POM121: variants seen among roughly 807,000 people sequenced by gnomAD.
POM121 encodes the protein nuclear envelope pore membrane protein POM 121.
POM121 carries 32 observed loss-of-function variants against 81.3 expected under a neutral mutation model. The observed-to-expected ratio is 0.39, with a 90% CI of 0.30 to 0.53. The LOEUF is 0.53. Among genes scored for constraint, POM121 ranks in the 20% least tolerant of loss-of-function variants. The pLI is 0.66. For missense variants in POM121, 1,138 were observed against 1,614.6 expected (o/e 0.70, Z 5.06); for synonymous variants, 514 against 694.2 (o/e 0.74, Z 4.08).
At chr7:72,920,374 A>T (rs1554495794), upstream of POM121, among the ~76,000 whole-genome samples, 5 of 105,794 alleles carry the variant, frequency 4.7e-5, no homozygotes, top group African/African-American at 4.0e-5. Context: ...TTTTAGTTGG[A>T]GTCTGGCTCT....
At chr7:72,950,489 A>C (rs533563239), downstream of POM121, 3 of 384,316 alleles carry the variant, frequency 7.8e-6, no homozygotes, top group South Asian at 2.8e-5. Context: ...AATATATCCA[A>C]GATACTTACG....
intron 4 of POM121, among the ~76,000 whole-genome samples, chr7:72,918,347 A>G (rs1261915715): frequency 2.0e-5 from 3 of 152,130 alleles, no homozygotes; most frequent in Non-Finnish European, 4.4e-5. Flanking sequence ...GCGTCTTCCC[A>G]GATGCTGGCG....
At chr7:72,909,714 T>TCA (rs781876086) in intron 3 of POM121, among the ~76,000 whole-genome samples, 2 of 152,166 alleles carry the variant, frequency 1.3e-5, no homozygotes, top group African/African-American at 4.8e-5. Flanking sequence ...AATGGCCCAG[T>TCA]CATAGCTCAC....
At chr7:72,915,399 G>A (rs1794201734) in intron 4 of POM121, among the ~76,000 whole-genome samples, 1 of 152,046 alleles carries the variant, frequency 6.6e-6, no homozygotes, top group African/African-American at 2.4e-5. Context: ...TTTTTGAGAC[G>A]AGTCTCACTC....
intron 5 of POM121, among the ~76,000 whole-genome samples, chr7:72,931,412 T>C (rs1453565866): frequency 2.0e-5 from 3 of 152,170 alleles, no homozygotes; most frequent in East Asian, 3.9e-4. Context: ...AGAGATAAGA[T>C]AGACAGATCC....
At chr7:72,929,519 A>G (rs1439355731) in intron 4 of POM121, among the ~76,000 whole-genome samples, 3 of 152,134 alleles carry the variant, frequency 2.0e-5, no homozygotes, top group African/African-American at 4.8e-5. Context: ...TTGAGATATA[A>G]TTGACATAAA....
intron 3 of POM121, among the ~76,000 whole-genome samples, chr7:72,901,980 C>T (rs13245960): frequency 5.9e-5 from 9 of 151,800 alleles, no homozygotes; most frequent in Non-Finnish European, 8.8e-5. Flanking sequence ...GGCATGGTGG[C>T]GCATGCCTGT....
intron 3 of POM121, among the ~76,000 whole-genome samples, chr7:72,900,942 T>C (rs1586093345): frequency 6.6e-6 from 1 of 152,010 alleles, no homozygotes; most frequent in African/African-American, 2.4e-5. Flanking sequence ...CATTTAGGGC[T>C]ATGAATTTAC....
At chr7:72,899,507 T>C (rs1259962098) in intron 3 of POM121, among the ~76,000 whole-genome samples, 1 of 151,950 alleles carries the variant, frequency 6.6e-6, no homozygotes, top group Non-Finnish European at 1.5e-5. Context: ...GTGTTCCAGA[T>C]CATGATTTCT....
downstream of POM121, chr7:72,948,334 C>G (rs1563179165): frequency 6.2e-7 from 1 of 1,608,686 alleles, no homozygotes; most frequent in Admixed American, 1.7e-5. Flanking sequence ...GCAGGCAACA[C>G]TTTTGCTCAC....
At chr7:72,908,834 T>G (rs1793535250) in intron 3 of POM121, among the ~76,000 whole-genome samples, 1 of 152,242 alleles carries the variant, frequency 6.6e-6, no homozygotes, top group Admixed American at 6.5e-5. Flanking sequence ...TCTCCCTTGT[T>G]CCCTGAACAT....
rs1165320076 is a variant in POM121, at chr7:72,879,697, C to T, written c.-709C>T. On this transcript the variant is annotated 5_prime_UTR_variant, in exon 1 of 16. Coordinates refer to the POM121 transcript ENST00000395270. ...CGCTGTACGGTGAGCCCCAGGGAGG[C>T]GGATCTGGGCCCCGAGAAGGACACC... is the stretch of plus-strand genomic sequence containing the variant. The T allele has an allele frequency of 6.9e-6, 3 of 436,350 alleles. No homozygotes were observed. In the Admixed American group the frequency reaches 7.7e-5, roughly 11 times the overall value. The allele number at this position is 436,350 out of a possible 1,614,324, so 27.0% of individuals were successfully genotyped here.
intron 10 of POM121, among the ~76,000 whole-genome samples, 164 bp downstream of exon 10, chr7:72,941,157 G>A (rs1364036878): frequency 6.7e-5 from 10 of 149,574 alleles, no homozygotes; most frequent in East Asian, 4.0e-4. Flanking sequence ...GCCAGAGCCC[G>A]CATCAGGAAG....
chr7:72,917,702 G>A (rs1374293753), intron 4 of POM121, among the ~76,000 whole-genome samples: 6 of 152,296 alleles, frequency 3.9e-5, no homozygotes, highest in Middle Eastern at 3.4e-3. Context: ...CCACAGGGTC[G>A]GTGGGCTTCT....
At position 72,926,236 on chromosome 7, in the gene POM121, C is replaced by T. The variant is rs782019722; in HGVS notation, c.645-26C>T. On this transcript the variant is annotated intron_variant, in intron 1 of 12. Coordinates refer to ENST00000434423, the MANE Select transcript of POM121 (RefSeq NM_001387691.1). ...TTGACATTCTTTTTTGCTTTGGTTC[C>T]GTGATTTGTCTCGCATTCTCTGCAG... 15 of 1,541,690 alleles carry T rather than the reference C, an allele frequency of 9.7e-6. No homozygotes were observed. In the East Asian group the frequency reaches 2.4e-4, roughly 25 times the overall value.
chr7:72,896,614 T>C (rs1791976977), intron 3 of POM121, among the ~76,000 whole-genome samples: 1 of 139,412 alleles, frequency 7.2e-6, no homozygotes, highest in African/African-American at 2.9e-5. Flanking sequence ...GAGCTGTGAT[T>C]GTACCACTGC....
upstream of POM121, chr7:72,924,413 T>G (rs1554496613): frequency 6.6e-6 from 1 of 152,192 alleles, no homozygotes; most frequent in Admixed American, 6.5e-5. Flanking sequence ...ATTGGCAGAC[T>G]ACCAGACTTT....
chr7:72,886,153 GTATT>G lies in POM121; in HGVS notation c.-520-4440_-520-4437del, dbSNP rs201459871. ...CTATTACGTTGTTGTTAATTAAACA[GTATT>G]TATTTATTTATTTATTTATTTATTT... On this transcript the variant is annotated intron_variant, in intron 1 of 15. Coordinates refer to the POM121 transcript ENST00000395270. 2.5e-3 allele frequency among the ~76,000 whole-genome samples: 353 copies of G among 140,082 alleles called. 1 individual carries two copies. Among genetic ancestry groups the G allele is most frequent in the Non-Finnish European group, 3.8e-3 (250 of 65,152 alleles). 91.9% of individuals were successfully genotyped at this position (140,082 alleles called of 152,430 possible).
intron 7 of POM121, 123 bp from the exon 8 acceptor site, chr7:72,939,724 A>G: frequency 6.2e-7 from 1 of 1,606,706 alleles, no homozygotes; most frequent in Admixed American, 1.7e-5. Flanking sequence ...ACCAAACCAT[A>G]GAAGATTGAA....
Sources: allele counts gnomAD v4.1 joint callset (sites outside exome capture counted in the v4.1 genomes callset), GRCh38; gene constraint gnomAD v4.1.1; transcripts MANE v1.5; gene names NCBI Gene and HGNC (gene_info 2026-07-23, HGNC 2026-07-21).